The following NKX3-2 variants were observed in gnomAD, a reference collection of about 807,000 sequenced individuals.
NKX3-2 encodes homeobox protein Nkx-3.2.
NKX3-2 carries 13 observed loss-of-function variants against 19.4 expected under a neutral mutation model. The observed-to-expected ratio is 0.67, with a 90% CI of 0.44 to 1.07. The LOEUF (loss-of-function observed/expected upper bound fraction) is 1.07, where lower values mean the gene tolerates loss of function less well. NKX3-2 is among the 50% of genes least tolerant of loss of function. The pLI, the probability that NKX3-2 is intolerant of heterozygous loss-of-function variation, is 0.00. For synonymous variants in NKX3-2, 269 were observed against 230.5 expected, an observed-to-expected ratio of 1.17 and a Z score of -1.51; for missense variants, 562 against 488.2, an observed-to-expected ratio of 1.15 and a Z score of -1.42.
At chr4:13,544,631 C>A, upstream of NKX3-2, 1 of 311,920 alleles carries the variant, frequency 3.2e-6, no homozygotes, top group Non-Finnish European at 5.8e-6. Context: ...GCCCGGAGAC[C>A]CCCTCCCCCC....
chr4:13,544,491 G>A lies in NKX3-2; in HGVS notation c.-77C>T, dbSNP rs1718078423. The A allele has an allele frequency of 4.5e-6, 5 of 1,108,604 alleles. No individual in the cohort carries two copies. The highest frequency in any genetic ancestry group is 3.5e-6 in the Non-Finnish European group (3 of 866,876). The allele number at this position is 1,108,604 out of a possible 1,614,324, so 68.7% of individuals were successfully genotyped here. A position where few individuals can be genotyped will look rare whatever the true frequency, so the allele number is the denominator to read the frequency against. Reference sequence around the variant, plus strand: ...AGCTCCGAGCGGGACAGAGAGCGCCGGCGGCCGCAGCGCGAGTGAGCTGGG... The same window carrying A: ...AGCTCCGAGCGGGACAGAGAGCGCCAGCGGCCGCAGCGCGAGTGAGCTGGG... On this transcript the variant is annotated 5_prime_UTR_variant, in exon 1 of 2. Coordinates refer to ENST00000382438, the MANE Select transcript of NKX3-2 (RefSeq NM_001189.4).
At chr4:13,546,462 CA>C, upstream of NKX3-2, 1 of 182,908 alleles carries the variant, frequency 5.5e-6, no homozygotes, top group Admixed American at 5.4e-5. Flanking sequence ...TACAGTCTTT[CA>C]AAAACAGTGT....
chr4:13,544,224 C>T lies in NKX3-2; in HGVS notation c.191G>A (p.Gly64Glu). Residue 64 changes from glycine to glutamate, a missense_variant, in exon 1 of 2, where the codon GGG becomes GAG. Physicochemically the swap from Gly to Glu is moderately conservative, Grantham distance 98. Transcript: ENST00000382438. ...LFGERDAGALGGAEDSLLASP... is the reference protein window; with the variant it reads ...LFGERDAGALEGAEDSLLASP... Reference sequence around the variant, plus strand: ...CGCCAGCAGAGAGTCCTCGGCGCCCCCCAACGCGCCCGCGTCCCTCTCCCC... The same window carrying T: ...CGCCAGCAGAGAGTCCTCGGCGCCCTCCAACGCGCCCGCGTCCCTCTCCCC... 6.3e-7 allele frequency: 1 copy of T among 1,591,788 alleles called. No individual in the cohort carries two copies. The highest frequency in any genetic ancestry group is 8.5e-7 in the Non-Finnish European group (1 of 1,176,366).
In NKX3-2 at chr4:13,543,009, G is replaced by A. The variant is rs965809260; in HGVS notation, c.467-481C>T. The stretch of plus-strand genomic sequence containing the variant: ...GGTGCAGGTAAGGGAAGGTGGAGGC[G>A]GATCCTGGGGCCAAAGGTATTTAGA... On this transcript the variant is annotated intron_variant, in intron 1 of 1. Transcript: ENST00000382438. This position sits in a 1 kb window ranked among gnomAD's most constrained non-coding sequence, Gnocchi z 7.1. 6.6e-6 allele frequency among the ~76,000 whole-genome samples: 1 copy of A among 152,104 alleles called. No individual in the cohort carries two copies. Among genetic ancestry groups the A allele is most frequent in the African/African-American group, 2.4e-5 (1 of 41,510 alleles).
chr4:13,543,935 A>G lies in NKX3-2; in HGVS notation c.466+14T>C, dbSNP rs575452529. On this transcript the variant is annotated intron_variant, in intron 1 of 1. Coordinates refer to ENST00000382438, the MANE Select transcript of NKX3-2 (RefSeq NM_001189.4). The surrounding 1 kb of genome is among the most constrained non-coding windows in gnomAD (Gnocchi z 7.1). Reference sequence around the variant, plus strand: ...CCTCAGCCCGGCCCCCATCCCCGCGAAGCCGCAGCAGACCTGAGACGCTGG... The same window carrying G: ...CCTCAGCCCGGCCCCCATCCCCGCGGAGCCGCAGCAGACCTGAGACGCTGG... 59 of 1,534,602 alleles carry G rather than the reference A, an allele frequency of 3.8e-5. No homozygotes were observed. In the African/African-American group the frequency reaches 8.0e-4, roughly 21 times the overall value.
At chr4:13,544,622 C>A (rs1225457590), upstream of NKX3-2, 4 of 314,458 alleles carry the variant, frequency 1.3e-5, no homozygotes, top group Non-Finnish European at 1.7e-5. Flanking sequence ...GCCCACCCCG[C>A]CCGGAGACCC....
rs1718019376 is a variant in NKX3-2 at position 13,542,631 on chromosome 4, C to T, written c.467-103G>A. 7.0e-7 allele frequency: 1 copy of T among 1,435,758 alleles called. No homozygotes were observed. The highest frequency in any genetic ancestry group is 1.7e-5 in the Admixed American group (1 of 58,642). The allele number at this position is 1,435,758 out of a possible 1,614,324, so 88.9% of individuals were successfully genotyped here. A position where few individuals can be genotyped will look rare whatever the true frequency, so the allele number is the denominator to read the frequency against. On this transcript the variant is annotated intron_variant, in intron 1 of 1. Transcript: ENST00000382438. This position sits in a 1 kb window ranked among gnomAD's most constrained non-coding sequence, Gnocchi z 6.4. ...GTCACGGGAGTGGGGCGGAAATACA[C>T]TTTGATCCCACTCAAGCGGAGCGGA... is the stretch of plus-strand genomic sequence containing the variant.
upstream of NKX3-2, chr4:13,544,641 C>G (rs1003882478): frequency 3.3e-6 from 1 of 306,128 alleles, no homozygotes; most frequent in Non-Finnish European, 5.9e-6. Flanking sequence ...CCCCTCCCCC[C>G]GAATCCAGAG....
In NKX3-2 at chr4:13,543,848, C is replaced by T; in HGVS notation, c.466+101G>A. Reference sequence around the variant, plus strand: ...TCGGGATTTGGCCAGCCTCCGAGCCCCAGGGCGCAGGGTGCTCAAGCCGAC... The same window carrying T: ...TCGGGATTTGGCCAGCCTCCGAGCCTCAGGGCGCAGGGTGCTCAAGCCGAC... On this transcript the variant is annotated intron_variant, in intron 1 of 1. Transcript: ENST00000382438. The surrounding 1 kb of genome is among the most constrained non-coding windows in gnomAD (Gnocchi z 7.1). The T allele has an allele frequency of 8.9e-7, 1 of 1,120,220 alleles. No individual in the cohort carries two copies. Among genetic ancestry groups the T allele is most frequent in the East Asian group, 2.9e-5 (1 of 34,734 alleles). 69.4% of individuals were successfully genotyped at this position (1,120,220 alleles called of 1,614,324 possible). A position where few individuals can be genotyped will look rare whatever the true frequency, so the allele number is the denominator to read the frequency against.
chr4:13,546,048 C>A (rs1261996038), upstream of NKX3-2: 1 of 152,182 alleles, frequency 6.6e-6, no homozygotes, highest in Non-Finnish European at 1.5e-5. Context: ...AGAGTTAACA[C>A]CAAATACACA....
chr4:13,542,554 CAA>C lies in NKX3-2; in HGVS notation c.467-28_467-27del. The C allele has an allele frequency of 6.3e-7, 1 of 1,596,210 alleles. No homozygotes were observed. ...CTGCGGACCCCGGTGGGAACAGAAA[CAA>C]GAGACTGTCAGCGCCACAGACGAGG... On this transcript the variant is annotated intron_variant, in intron 1 of 1. Transcript: ENST00000382438. The surrounding 1 kb of genome is among the most constrained non-coding windows in gnomAD (Gnocchi z 6.4).
Position 13,542,647 on chromosome 4 carries a change from G to A in NKX3-2, c.467-119C>T, listed in dbSNP as rs1157193360. 8 of 1,350,432 alleles carry A rather than the reference G, an allele frequency of 5.9e-6. No homozygotes were observed. The highest frequency in any genetic ancestry group is 7.3e-6 in the Non-Finnish European group (7 of 965,450). The allele number at this position is 1,350,432 out of a possible 1,614,324, so 83.7% of individuals were successfully genotyped here. A position where few individuals can be genotyped will look rare whatever the true frequency, so the allele number is the denominator to read the frequency against. The stretch of plus-strand genomic sequence containing the variant: ...GGAAATACACTTTGATCCCACTCAA[G>A]CGGAGCGGAGGTCTGGGAGGCCCTG... On this transcript the variant is annotated intron_variant, in intron 1 of 1. Transcript: ENST00000382438. This position sits in a 1 kb window ranked among gnomAD's most constrained non-coding sequence, Gnocchi z 6.4.
At position 13,543,998 on chromosome 4, in the gene NKX3-2, C is replaced by A; in HGVS notation, c.417G>T (p.Glu139Asp). 1 of 1,572,454 alleles carries A rather than the reference C, an allele frequency of 6.4e-7. No homozygotes were observed. ...TGTCGCTCCGGCCCGCGGCTTCCTC[C>A]TCTAGGTCTTTGGAAGCGGCCAGCT... ...VCELAASKDL[E>D]EEAAGRSDSE... Residue 139 changes from glutamate to aspartate, a missense_variant, in exon 1 of 2, where the codon GAG becomes GAT. Coordinates refer to ENST00000382438, the MANE Select transcript of NKX3-2 (RefSeq NM_001189.4). This position sits in a 1 kb window ranked among gnomAD's most constrained non-coding sequence, Gnocchi z 7.1.
rs1203339490 is a variant in NKX3-2 at position 13,541,194 on chromosome 4, A to G, written c.*799T>C. 6.6e-6 allele frequency: 1 copy of G among 152,250 alleles called. No homozygotes were observed. Among genetic ancestry groups the G allele is most frequent in the Non-Finnish European group, 1.5e-5 (1 of 68,044 alleles). The allele number at this position is 152,250 out of a possible 1,614,324, so 9.4% of individuals were successfully genotyped here. Reference sequence around the variant, plus strand: ...TGCGACACGTCTTAACCTCCTTTACACAAATAAAAAGAAACCAAGGAAAGT... The same window carrying G: ...TGCGACACGTCTTAACCTCCTTTACGCAAATAAAAAGAAACCAAGGAAAGT... On this transcript the variant is annotated 3_prime_UTR_variant, in exon 2 of 2. Coordinates refer to ENST00000382438, the MANE Select transcript of NKX3-2 (RefSeq NM_001189.4).
rs1718049225 is a variant in NKX3-2, at chr4:13,543,889, G to A, written c.466+60C>T. On this transcript the variant is annotated intron_variant, in intron 1 of 1. Transcript: ENST00000382438. The surrounding 1 kb of genome is among the most constrained non-coding windows in gnomAD (Gnocchi z 7.1). Reference sequence around the variant, plus strand: ...TCAAGCCGACCACCCCACTCGGCGTGGTTGCCCTCCGCGTCCATCCCCTCA... The same window carrying A: ...TCAAGCCGACCACCCCACTCGGCGTAGTTGCCCTCCGCGTCCATCCCCTCA... 5.7e-6 allele frequency: 8 copies of A among 1,406,686 alleles called. No individual in the cohort carries two copies. Among genetic ancestry groups the A allele is most frequent in the Non-Finnish European group, 4.7e-6 (5 of 1,064,812 alleles). 87.1% of individuals were successfully genotyped at this position (1,406,686 alleles called of 1,614,324 possible).
upstream of NKX3-2, chr4:13,547,485 C>T (rs925898865): frequency 5.2e-5 from 13 of 251,806 alleles, no homozygotes; most frequent in South Asian, 1.6e-4. Flanking sequence ...GCGTCCGCGC[C>T]TCTCTACCCC....
rs770276720 is a variant in NKX3-2, at chr4:13,544,345, G to T, written c.70C>A (p.Arg24Ser). 17 of 1,538,292 alleles carry T rather than the reference G, an allele frequency of 1.1e-5. No individual in the cohort carries two copies. The highest frequency in any genetic ancestry group is 1.4e-5 in the African/African-American group (1 of 70,944). ...IQAILNKKEE[R>S]GGLAAPEGRP... ...CCCTCTGGCGCGGCCAGCCCGCCGC[G>T]CTCCTCTTTCTTGTTGAGGATCGCC... Residue 24 changes from arginine (R) to serine (S), a missense_variant, in exon 1 of 2, where the codon CGC becomes AGC. By Grantham distance (110) the Arg-to-Ser change is moderately radical (BLOSUM62 -1). Coordinates refer to ENST00000382438, the MANE Select transcript of NKX3-2 (RefSeq NM_001189.4).
rs1327241259 is a variant in NKX3-2, at chr4:13,543,830, T to C, written c.466+119A>G. The C allele has an allele frequency of 1.1e-6, 1 of 945,190 alleles. No individual in the cohort carries two copies. Among genetic ancestry groups the C allele is most frequent in the African/African-American group, 1.7e-5 (1 of 57,370 alleles). 58.6% of individuals were successfully genotyped at this position (945,190 alleles called of 1,614,324 possible). On this transcript the variant is annotated intron_variant, in intron 1 of 1. Transcript: ENST00000382438. This position sits in a 1 kb window ranked among gnomAD's most constrained non-coding sequence, Gnocchi z 7.1. Reference sequence around the variant, plus strand: ...GCGCCAGAGCGCAGAACTTCGGGATTTGGCCAGCCTCCGAGCCCCAGGGCG... The same window carrying C: ...GCGCCAGAGCGCAGAACTTCGGGATCTGGCCAGCCTCCGAGCCCCAGGGCG...
rs1455694842 is a variant in NKX3-2, at chr4:13,544,415, C to A, written c.-1G>T. 3 of 1,517,134 alleles carry A rather than the reference C, an allele frequency of 2.0e-6. No individual in the cohort carries two copies. Among genetic ancestry groups the A allele is most frequent in the Non-Finnish European group, 2.6e-6 (3 of 1,141,986 alleles). The allele number at this position is 1,517,134 out of a possible 1,614,324, so 94.0% of individuals were successfully genotyped here. ...AGGTGTTGGCGCCGCGCACAGCCATCTGCGCCGCGGGCAGGAGCGGCCGGC... is the reference window on the plus strand; with the variant it reads ...AGGTGTTGGCGCCGCGCACAGCCATATGCGCCGCGGGCAGGAGCGGCCGGC... On this transcript the variant is annotated 5_prime_UTR_variant, in exon 1 of 2. Transcript: ENST00000382438.
Sources: allele counts gnomAD v4.1 joint callset (sites outside exome capture counted in the v4.1 genomes callset), GRCh38; gene constraint gnomAD v4.1.1; non-coding constraint Gnocchi (gnomAD v3.1); transcripts MANE v1.5; gene names NCBI Gene and HGNC (gene_info 2026-07-23, HGNC 2026-07-21).